The following EFHB variants were observed in gnomAD, a reference collection of about 807,000 sequenced individuals.
EFHB encodes the protein EF-hand domain family member B.
A neutral mutation model predicts 87.2 loss-of-function variants in EFHB; 91 were observed. That is an observed-to-expected ratio of 1.04 (90% confidence interval 0.88 to 1.24). The LOEUF (loss-of-function observed/expected upper bound fraction) is 1.24. Ranked by LOEUF, EFHB falls within the 50% of genes most tolerant of loss-of-function variation. The probability of loss-of-function intolerance (pLI) is 0.00; values close to 1 mark genes in which losing one functional copy is unlikely to be tolerated. For missense variants in EFHB, 1,084 were observed against 998.8 expected (o/e 1.09, Z -1.15); for synonymous variants, 325 against 333.6 (o/e 0.97, Z 0.28).
At chr3:19,899,259 C>T (rs759700227) in intron 7 of EFHB, among the ~76,000 whole-genome samples, 173 bp downstream of exon 7, 1 of 152,186 alleles carries the variant, frequency 6.6e-6, no homozygotes, top group Non-Finnish European at 1.5e-5. Flanking sequence ...GAACTCACTG[C>T]TTTCCTGGAA....
intron 9 of EFHB, among the ~76,000 whole-genome samples, chr3:19,893,313 A>G (rs13317268): frequency 0.025 from 3,830 of 152,270 alleles, 172 homozygotes; most frequent in African/African-American, 0.087. Context: ...ATTTCTTAGA[A>G]AAGTTCCAGA....
chr3:19,936,009 A>C, upstream of EFHB: 2 of 122,158 alleles, frequency 1.6e-5, no homozygotes, highest in South Asian at 3.3e-4. Flanking sequence ...ACTCCATCTC[A>C]AAAAAAAAAA....
chr3:19,894,989 A>AATATATATATATATAT (rs1553629698), intron 9 of EFHB: 3 of 144,520 alleles, frequency 2.1e-5, no homozygotes, highest in African/African-American at 7.9e-5. Flanking sequence ...TGTCTCAAAA[A>AATATATATATATATAT]ATATATATAT....
chr3:19,908,156 G>A (rs1443945994), intron 5 of EFHB, among the ~76,000 whole-genome samples: 4 of 152,032 alleles, frequency 2.6e-5, no homozygotes, highest in Non-Finnish European at 4.4e-5. Context: ...GACAAAAAAA[G>A]CAAAAGGAAA....
chr3:19,936,211 G>A (rs921547620), upstream of EFHB: 34 of 941,870 alleles, frequency 3.6e-5, no homozygotes, highest in African/African-American at 1.3e-4. Context: ...TTAGCCCAGC[G>A]TGGTGGCTCA....
chr3:19,893,834 CCTT>C (rs1277177200), intron 9 of EFHB, among the ~76,000 whole-genome samples: 13 of 152,164 alleles, frequency 8.5e-5, no homozygotes, highest in African/African-American at 3.1e-4. Context: ...GACTTACTGA[CCTT>C]ATGCAGCCCC....
chr3:19,897,520 A>G (rs758104414), intron 8 of EFHB, among the ~76,000 whole-genome samples: 2 of 152,096 alleles, frequency 1.3e-5, no homozygotes, highest in Non-Finnish European at 2.9e-5. Flanking sequence ...GCGTACACAC[A>G]TCTCCCATCT....
chr3:19,881,071 G>A (rs2071664460), intron 12 of EFHB, among the ~76,000 whole-genome samples: 1 of 152,172 alleles, frequency 6.6e-6, no homozygotes, highest in African/African-American at 2.4e-5. Flanking sequence ...TACAAATTAA[G>A]TACTATTCAA....
intron 7 of EFHB, 53 bp from the exon 8 acceptor site, chr3:19,898,898 G>C (rs1362319295): frequency 8.3e-6 from 13 of 1,560,494 alleles, no homozygotes; most frequent in Non-Finnish European, 1.1e-5. Flanking sequence ...GGCATCTCTG[G>C]AATTTAAAAT....
At chr3:19,916,337 A>T (rs1575029677) in intron 4 of EFHB, among the ~76,000 whole-genome samples, 1 of 152,040 alleles carries the variant, frequency 6.6e-6, no homozygotes, top group East Asian at 1.9e-4. Context: ...CAACATGGTG[A>T]AACCCTGTCT....
At chr3:19,940,283 C>A in intron 1 of EFHB, 1 of 269,822 alleles carries the variant, frequency 3.7e-6, no homozygotes. Context: ...GTGTTGGGCC[C>A]TGAGAAAGCA....
chr3:19,904,125 A>C (rs1694760679), intron 6 of EFHB, among the ~76,000 whole-genome samples: 2 of 152,200 alleles, frequency 1.3e-5, no homozygotes, highest in Non-Finnish European at 2.9e-5. Context: ...GGCCTACGGA[A>C]ACCTAGAGGG....
chr3:19,927,309 C>T (rs1280806371), intron 1 of EFHB, among the ~76,000 whole-genome samples: 3 of 152,174 alleles, frequency 2.0e-5, no homozygotes, highest in Non-Finnish European at 4.4e-5. Context: ...GTCAAGTGCC[C>T]TTTCAAGGGC....
intron 9 of EFHB, among the ~76,000 whole-genome samples, chr3:19,890,230 A>G (rs1694258091): frequency 6.6e-6 from 1 of 152,208 alleles, no homozygotes; most frequent in South Asian, 2.1e-4. Flanking sequence ...TTTCTTACTT[A>G]CTAGTGCAAA....
rs1005167906 is a variant in EFHB, at chr3:19,933,722, T to C, written c.297A>G (p.Gly99=). Residue 99 remains glycine (G), a synonymous_variant, in exon 1 of 13, where the codon GGA becomes GGG. Transcript: ENST00000295824. The stretch of plus-strand genomic sequence containing the variant: ...TTCCTGGCAACAGAGAAGGTTTTGT[T>C]CCCTGTGAAGCTGAGACACTGTCGA... The part of the protein sequence containing the change: ...LGVDSVSASQ[G]TKPSLLPGRM... The C allele has an allele frequency of 6.2e-7, 1 of 1,614,000 alleles. No individual in the cohort carries two copies. Among genetic ancestry groups the C allele is most frequent in the South Asian group, 1.1e-5 (1 of 91,078 alleles).
At chr3:19,930,925 G>T (rs1480889521) in intron 1 of EFHB, among the ~76,000 whole-genome samples, 1 of 152,148 alleles carries the variant, frequency 6.6e-6, no homozygotes, top group Admixed American at 6.5e-5. Context: ...TTGAGGTCAG[G>T]AGTAGGGGAC....
intron 1 of EFHB, among the ~76,000 whole-genome samples, chr3:19,921,618 A>G (rs1026131582): frequency 6.6e-6 from 1 of 152,040 alleles, no homozygotes; most frequent in African/African-American, 2.4e-5. Context: ...AGACAGTAAG[A>G]AGCAGCCCAG....
chr3:19,902,948 G>A (rs1322411175), intron 6 of EFHB, among the ~76,000 whole-genome samples: 2 of 151,864 alleles, frequency 1.3e-5, no homozygotes, highest in Admixed American at 6.6e-5. Flanking sequence ...AGGCTGAGGC[G>A]GGCGGATCAC....
At chr3:19,937,183 A>C (rs1318029027), upstream of EFHB, among the ~76,000 whole-genome samples, 1 of 152,078 alleles carries the variant, frequency 6.6e-6, no homozygotes, top group Non-Finnish European at 1.5e-5. Flanking sequence ...AAACACAAAA[A>C]ACTATTTTCT....
Sources: allele counts gnomAD v4.1 joint callset (sites outside exome capture counted in the v4.1 genomes callset), GRCh38; gene constraint gnomAD v4.1.1; transcripts MANE v1.5; gene names NCBI Gene and HGNC (gene_info 2026-07-23, HGNC 2026-07-21).